PCDHGA4: variants seen among roughly 807,000 people sequenced by gnomAD.
PCDHGA4 encodes the protein protocadherin gamma subfamily A, 4.
Under a neutral mutation model 54.6 loss-of-function variants are expected in PCDHGA4, and 38 were observed. The ratio of observed to expected loss-of-function variants is 0.70; its 90% CI spans 0.54 to 0.91. The LOEUF is 0.91. PCDHGA4 is among the 40% of genes least tolerant of loss of function. The probability of loss-of-function intolerance (pLI) is 0.00; values close to 1 mark genes in which losing one functional copy is unlikely to be tolerated. For missense variants in PCDHGA4, 1,298 were observed against 1,220.9 expected, an observed-to-expected ratio of 1.06 and a Z score of -0.94; for synonymous variants, 511 against 512.9, an observed-to-expected ratio of 1.00 and a Z score of 0.05.
intron 1 of PCDHGA4, chr5:141,428,440 G>A (rs890993546): frequency 1.0e-5 from 4 of 393,892 alleles, no homozygotes; most frequent in African/African-American, 8.2e-5. Flanking sequence ...GACTAGACCA[G>A]GGGTTTTTCC....
At chr5:141,399,910 G>T in intron 1 of PCDHGA4, 1 of 1,612,438 alleles carries the variant, frequency 6.2e-7, no homozygotes, top group Non-Finnish European at 8.5e-7. Context: ...CGCAGACTCA[G>T]GACACAACGC....
At chr5:141,504,462 G>A (rs1375731108) in intron 2 of PCDHGA4, among the ~76,000 whole-genome samples, 5 of 152,074 alleles carry the variant, frequency 3.3e-5, no homozygotes, top group African/African-American at 9.7e-5. Flanking sequence ...TGGGGCAGCC[G>A]CTGGGATGGG....
At chr5:141,473,988 G>T (rs1006988447) in intron 1 of PCDHGA4, among the ~76,000 whole-genome samples, 2 of 152,118 alleles carry the variant, frequency 1.3e-5, no homozygotes, top group Middle Eastern at 3.2e-3. Context: ...AGGATCCCTT[G>T]AGCCCAAGGA....
At chr5:141,441,736 T>C in intron 1 of PCDHGA4, 1 of 365,328 alleles carries the variant, frequency 2.7e-6, no homozygotes. Flanking sequence ...CAGGACTAGC[T>C]CGCGCTCGGC....
At chr5:141,376,288 G>T (rs753554580) in intron 1 of PCDHGA4, 1 of 1,614,216 alleles carries the variant, frequency 6.2e-7, no homozygotes, top group Non-Finnish European at 8.5e-7. Context: ...TAGCGAGCAT[G>T]CCCGGCTCGC....
At chr5:141,409,163 G>A in intron 1 of PCDHGA4, 1 of 1,614,026 alleles carries the variant, frequency 6.2e-7, no homozygotes. Context: ...GGAAGTGGAA[G>A]CGAAGGACGG....
chr5:141,477,560 T>C lies in PCDHGA4; in HGVS notation c.2515-17247T>C, dbSNP rs2099412994. The C allele has an allele frequency of 1.2e-6, 2 of 1,614,078 alleles. No homozygotes were observed. Among genetic ancestry groups the C allele is most frequent in the South Asian group, 2.2e-5 (2 of 91,094 alleles). ...GGCTCCAATACTAAACCTAAGTGTC[T>C]GGGACCCCGACGCCCCGCAGAATGC... On this transcript the variant is annotated intron_variant, in intron 1 of 3. Transcript: ENST00000571252. This position sits in a 1 kb window ranked among gnomAD's most constrained non-coding sequence, Gnocchi z 4.9.
chr5:141,365,768 G>A (rs1246552960), intron 1 of PCDHGA4: 2 of 1,613,812 alleles, frequency 1.2e-6, no homozygotes, highest in African/African-American at 1.3e-5. Flanking sequence ...CCATGACCCC[G>A]ACAGCGGCGA....
chr5:141,461,355 G>A (rs993200082), intron 1 of PCDHGA4, among the ~76,000 whole-genome samples: 3 of 152,022 alleles, frequency 2.0e-5, no homozygotes, highest in Non-Finnish European at 2.9e-5. Flanking sequence ...GTGGTAGCTC[G>A]TTGTGGTTTT....
At chr5:141,403,167 C>G (rs775617849) in intron 1 of PCDHGA4, 1 of 1,614,026 alleles carries the variant, frequency 6.2e-7, no homozygotes, top group Non-Finnish European at 8.5e-7. Flanking sequence ...AGAGGTAGGA[C>G]GCAGCTTTTC....
At chr5:141,463,650 A>C (rs1206605758) in intron 1 of PCDHGA4, among the ~76,000 whole-genome samples, 1 of 151,746 alleles carries the variant, frequency 6.6e-6, no homozygotes, top group Non-Finnish European at 1.5e-5. Flanking sequence ...ACGGGGTTTC[A>C]CCGTGTTAGC....
chr5:141,390,042 G>A, intron 1 of PCDHGA4: 1 of 1,614,034 alleles, frequency 6.2e-7, no homozygotes, highest in Non-Finnish European at 8.5e-7. Flanking sequence ...CTCCAGCCCC[G>A]CCTCCTGGAG....
At position 141,357,085 on chromosome 5, in the gene PCDHGA4, G is replaced by T. The variant is rs768829720; in HGVS notation, c.1978G>T (p.Ala660Ser). The T allele has an allele frequency of 4.3e-6, 7 of 1,613,900 alleles. No individual in the cohort carries two copies. In the East Asian group the frequency reaches 8.9e-5, roughly 21 times the overall value. Residue 660 changes from alanine to serine, a missense_variant, in exon 1 of 4, where the codon GCA (alanine) becomes TCA (serine). Physicochemically the swap from Ala to Ser is moderately conservative, Grantham distance 99. Transcript: ENST00000571252. Reference protein sequence around the residue: ...VGLHTGEVRTARALLDRDALK... With the variant: ...VGLHTGEVRTSRALLDRDALK... ...GCTGCACACAGGCGAGGTGCGCACC[G>T]CACGGGCCCTGCTGGACAGAGACGC... is the stretch of plus-strand genomic sequence containing the variant.
intron 1 of PCDHGA4, chr5:141,478,453 C>T: frequency 6.2e-7 from 1 of 1,613,594 alleles, no homozygotes; most frequent in Non-Finnish European, 8.5e-7. Context: ...CTGGTGCAGC[C>T]AGTCCACTGG....
Position 141,485,444 on chromosome 5 carries a change from G to T in PCDHGA4, c.2515-9363G>T. 1 of 1,614,108 alleles carries T rather than the reference G, an allele frequency of 6.2e-7. No homozygotes were observed. The highest frequency in any genetic ancestry group is 8.5e-7 in the Non-Finnish European group (1 of 1,180,020). ...AGCCCTGCTCATCAAGAACCCAATC[G>T]ACCGAGAGGCACTGTGTGGGCTCAG... is the stretch of plus-strand genomic sequence containing the variant. On this transcript the variant is annotated intron_variant, in intron 1 of 3. Coordinates refer to ENST00000571252, the MANE Select transcript of PCDHGA4 (RefSeq NM_018917.4). This position sits in a 1 kb window ranked among gnomAD's most constrained non-coding sequence, Gnocchi z 5.7.
In PCDHGA4 at chr5:141,378,383, T is replaced by G. The variant is rs559607457; in HGVS notation, c.2514+20762T>G. 8.5e-5 allele frequency: 13 copies of G among 152,064 alleles called. 1 individual carries two copies. The South Asian group carries it at 1.5e-3, about 17-fold the overall frequency. 9.4% of individuals were successfully genotyped at this position (152,064 alleles called of 1,614,324 possible). A position where few individuals can be genotyped will look rare whatever the true frequency, so the allele number is the denominator to read the frequency against. On this transcript the variant is annotated intron_variant, in intron 1 of 3. Transcript: ENST00000571252. Reference sequence around the variant, plus strand: ...ACTAAAAATACAAAAATTAGCCAGGTGGGGTGGCATGGGCCTGTAATCGCA... The same window carrying G: ...ACTAAAAATACAAAAATTAGCCAGGGGGGGTGGCATGGGCCTGTAATCGCA...
At chr5:141,389,538 G>C (rs772693461) in intron 1 of PCDHGA4, 1 of 1,613,186 alleles carries the variant, frequency 6.2e-7, no homozygotes, top group African/African-American at 1.3e-5. Flanking sequence ...GTTAGTGGAC[G>C]ACCGCAACGA....
chr5:141,404,798 C>T (rs1422774939), intron 1 of PCDHGA4: 2 of 1,613,842 alleles, frequency 1.2e-6, no homozygotes, highest in Admixed American at 1.7e-5. Context: ...TGAGCCAGGG[C>T]TCTTCTCGGT....
intron 1 of PCDHGA4, chr5:141,394,748 C>A: frequency 6.2e-7 from 1 of 1,613,414 alleles, no homozygotes. Flanking sequence ...TCGTGGTGGC[C>A]GTCCAGGACC....
Sources: gnomAD v4.1 joint callset for allele counts (sites outside exome capture counted in the v4.1 genomes callset) on GRCh38, gnomAD v4.1.1 for gene constraint, Gnocchi (gnomAD v3.1) non-coding constraint, MANE v1.5 for transcripts, NCBI Gene and HGNC (gene_info 2026-07-23, HGNC 2026-07-21) for gene names.